USP9Y: variants seen among roughly 807,000 people sequenced by gnomAD.
USP9Y encodes ubiquitin specific peptidase 9 Y-linked.
A neutral mutation model predicts 53.1 loss-of-function variants in USP9Y; 41 were observed. The observed-to-expected ratio is 0.77, with a 90% CI of 0.60 to 1.00. The LOEUF is 1.00. USP9Y is among the 50% of genes least tolerant of loss of function. The pLI is 0.00. For synonymous variants in USP9Y, 220 were observed against 173.7 expected, an observed-to-expected ratio of 1.27 and a Z score of -2.09; for missense variants, 567 against 535.8, an observed-to-expected ratio of 1.06 and a Z score of -0.58.
chrY:12,767,519 A>AT, intron 15 of USP9Y, among the ~76,000 whole-genome samples: 1 of 33,408 alleles, frequency 3.0e-5, no homozygotes, highest in Non-Finnish European at 7.4e-5. Context: ...TGCATTTTCA[A>AT]TACAAAATTG....
At chrY:12,762,287 A>T (rs2053476096) in intron 15 of USP9Y, among the ~76,000 whole-genome samples, 1 of 33,487 alleles carries the variant, frequency 3.0e-5, no homozygotes, top group East Asian at 7.8e-4. Flanking sequence ...TAGATACTTA[A>T]CTCCAATGAT....
Position 12,701,385 on chromosome Y carries a change from CTGAG to C in USP9Y, c.-790_-787del, listed in dbSNP as rs2148278251. On this transcript the variant is annotated 5_prime_UTR_variant, in exon 1 of 46. It removes the in-frame stop codon of an upstream open reading frame in the 5' UTR. Transcript: ENST00000338981. ...GTGTATCAGCAGCATTTCTGACTGACTGAGAGAGTGTAGTGATTAACAGAGTTGT... is the reference window on the plus strand; with the variant it reads ...GTGTATCAGCAGCATTTCTGACTGACAGAGTGTAGTGATTAACAGAGTTGT... 1 of 34,422 alleles carries C rather than the reference CTGAG, an allele frequency of 2.9e-5. No individual in the cohort carries two copies. Among genetic ancestry groups the C allele is most frequent in the Admixed American group, 2.6e-4 (1 of 3,876 alleles). 8.6% of individuals were successfully genotyped at this position (34,422 alleles called of 400,897 possible). A position where few individuals can be genotyped will look rare whatever the true frequency, so the allele number is the denominator to read the frequency against.
chrY:12,743,259 T>G (rs2053458107), intron 12 of USP9Y, among the ~76,000 whole-genome samples: 2 of 32,082 alleles, frequency 6.2e-5, no homozygotes, highest in Non-Finnish European at 1.5e-4. Context: ...TTGCTGTTGT[T>G]TTTTGAGATG....
intron 15 of USP9Y, among the ~76,000 whole-genome samples, chrY:12,767,369 A>G: frequency 1.5e-4 from 5 of 32,877 alleles, no homozygotes; most frequent in African/African-American, 5.9e-4. Flanking sequence ...ATCTTTTCCT[A>G]TAATTTCTTC....
intron 11 of USP9Y, among the ~76,000 whole-genome samples, chrY:12,739,114 G>A: frequency 9.2e-5 from 3 of 32,628 alleles, no homozygotes; most frequent in Non-Finnish European, 2.3e-4. Context: ...GGGTCACTTG[G>A]GGAGTATTGT....
At position 12,778,146 on chromosome Y, in the gene USP9Y, C is replaced by G; in HGVS notation, c.2767C>G (p.Arg923Gly). ...IGSVRRCIVN[R>G]IKANVAHKKI... ...TTCAGTACGGCGATGTATTGTTAAT[C>G]GTATTAAAGCCAATGTAGCCCACAA... The change falls in exon 20 of 46, where the codon CGT becomes GGT. Residue 923 changes from arginine to glycine, a missense_variant. Coordinates refer to ENST00000338981, the MANE Select transcript of USP9Y (RefSeq NM_004654.4). The G allele has an allele frequency of 2.5e-6, 1 of 397,555 alleles. No homozygotes were observed. Among genetic ancestry groups the G allele is most frequent in the Non-Finnish European group, 3.5e-6 (1 of 283,017 alleles).
intron 4 of USP9Y, among the ~76,000 whole-genome samples, chrY:12,721,603 G>A (rs758554608): frequency 3.0e-5 from 1 of 32,889 alleles, no homozygotes; most frequent in East Asian, 8.0e-4. Flanking sequence ...TTTTGATATG[G>A]GAATGTACGT....
At chrY:12,809,026 G>A in intron 27 of USP9Y, among the ~76,000 whole-genome samples, 2 of 33,803 alleles carry the variant, frequency 5.9e-5, no homozygotes, top group Non-Finnish European at 1.5e-4. Flanking sequence ...TACTTAGCTT[G>A]TTAGAAAAAT....
chrY:12,831,537 A>G, intron 33 of USP9Y, among the ~76,000 whole-genome samples: 2 of 32,945 alleles, frequency 6.1e-5, no homozygotes, highest in African/African-American at 2.4e-4. Context: ...GTGGAGGCGG[A>G]CAATCACCTG....
intron 1 of USP9Y, among the ~76,000 whole-genome samples, 184 bp from the exon 2 acceptor site, chrY:12,708,450 T>C (rs535138074): frequency 8.3e-4 from 28 of 33,758 alleles, no homozygotes; most frequent in African/African-American, 3.2e-3. Context: ...TTGATGGTTT[T>C]GGAGAAATAT....
chrY:12,725,275 G>A (rs1256788980), intron 6 of USP9Y, 50 bp downstream of exon 6: 1 of 295,509 alleles, frequency 3.4e-6, no homozygotes, highest in Non-Finnish European at 5.2e-6. Context: ...GGTGATTCCT[G>A]TGGATTTGTT....
At chrY:12,717,477 A>G in intron 3 of USP9Y, among the ~76,000 whole-genome samples, 1 of 32,779 alleles carries the variant, frequency 3.1e-5, no homozygotes, top group East Asian at 8.0e-4. Flanking sequence ...CCATTTCCAC[A>G]ATGGTTTCCT....
At chrY:12,774,077 C>T in intron 17 of USP9Y, 152 bp downstream of exon 17, 1 of 148,700 alleles carries the variant, frequency 6.7e-6, no homozygotes, top group Non-Finnish European at 1.2e-5. Flanking sequence ...AGGATAATTG[C>T]TCTTCTTTAC....
At chrY:12,716,964 T>C in intron 3 of USP9Y, among the ~76,000 whole-genome samples, 1 of 34,066 alleles carries the variant, frequency 2.9e-5, no homozygotes, top group Non-Finnish European at 7.3e-5. Context: ...AAACTTTTTA[T>C]GAGTTAAGTC....
intron 31 of USP9Y, among the ~76,000 whole-genome samples, chrY:12,814,553 A>G (rs2053534921): frequency 3.5e-5 from 1 of 28,837 alleles, no homozygotes; most frequent in Admixed American, 3.2e-4. Context: ...AAAAAAAAAA[A>G]GAAACACTTG....
chrY:12,846,304 A>G, intron 39 of USP9Y, 29 bp from the exon 40 acceptor site: 1 of 381,882 alleles, frequency 2.6e-6, no homozygotes, highest in Non-Finnish European at 3.7e-6. Flanking sequence ...TTTTTTTTCT[A>G]CATATTATTT....
chrY:12,806,752 T>C, intron 27 of USP9Y, among the ~76,000 whole-genome samples: 1 of 33,748 alleles, frequency 3.0e-5, no homozygotes, highest in African/African-American at 1.2e-4. Flanking sequence ...GAGCTGTTTG[T>C]TGTTAATCAG....
intron 28 of USP9Y, 73 bp downstream of exon 28, chrY:12,810,360 A>C: frequency 7.8e-6 from 2 of 256,042 alleles, no homozygotes; most frequent in Non-Finnish European, 1.3e-5. Context: ...AGTTACTACG[A>C]TAGCTTTTAT....
chrY:12,774,751 T>C (rs2053490829), intron 17 of USP9Y, among the ~76,000 whole-genome samples: 2 of 33,259 alleles, frequency 6.0e-5, no homozygotes, highest in Admixed American at 5.6e-4. Context: ...GTGTAATATA[T>C]CTTGTTGCCA....
Sources: allele counts gnomAD v4.1 joint callset (sites outside exome capture counted in the v4.1 genomes callset), GRCh38; gene constraint gnomAD v4.1.1; transcripts MANE v1.5; gene names NCBI Gene and HGNC (gene_info 2026-07-23, HGNC 2026-07-21).